Variants in EPB41L4A observed in about 807,000 individuals in gnomAD.
EPB41L4A encodes the protein band 4.1-like protein 4A.
In EPB41L4A, 100 loss-of-function variants were observed where a neutral mutation model predicts 108.6. That is an observed-to-expected ratio of 0.92 (90% CI 0.78 to 1.09). The LOEUF is 1.09. Ranked by LOEUF, EPB41L4A falls within the 50% of genes least tolerant of loss-of-function variation. EPB41L4A has a pLI of 0.00. For missense variants in EPB41L4A, 1,030 were observed against 842.7 expected (o/e 1.22, Z -2.75); for synonymous variants, 319 against 289.0 (o/e 1.10, Z -1.05).
At chr5:112,411,532 T>C (rs10068969) in intron 1 of EPB41L4A, among the ~76,000 whole-genome samples, 13,494 of 151,904 alleles carry the variant, frequency 0.089, 1,940 homozygotes, top group African/African-American at 0.3. Flanking sequence ...CCTTTTATCC[T>C]ATGTACCTAA....
At chr5:112,338,695 C>T (rs753791993) in intron 1 of EPB41L4A, among the ~76,000 whole-genome samples, 4 of 152,146 alleles carry the variant, frequency 2.6e-5, no homozygotes, top group Non-Finnish European at 5.9e-5. Context: ...TATTTGTTAA[C>T]GGCCTCCCTC....
At chr5:112,396,610 A>C (rs1189429860) in intron 1 of EPB41L4A, among the ~76,000 whole-genome samples, 3 of 152,184 alleles carry the variant, frequency 2.0e-5, no homozygotes, top group South Asian at 2.1e-4. Context: ...CAGTCCATTG[A>C]AGGGTCAAAT....
intron 17 of EPB41L4A, among the ~76,000 whole-genome samples, chr5:112,192,957 C>T (rs17134218): frequency 0.084 from 12,810 of 152,084 alleles, 1,572 homozygotes; most frequent in African/African-American, 0.27. Flanking sequence ...GTGTTGTTTG[C>T]GCAGAAATAC....
intron 17 of EPB41L4A, among the ~76,000 whole-genome samples, chr5:112,191,595 T>G (rs1426131410): frequency 6.6e-6 from 1 of 151,798 alleles, no homozygotes; most frequent in Non-Finnish European, 1.5e-5. Flanking sequence ...TATGCTCCAA[T>G]GGGTTGACTT....
At chr5:112,335,353 A>G (rs1171144447) in intron 1 of EPB41L4A, among the ~76,000 whole-genome samples, 1 of 152,092 alleles carries the variant, frequency 6.6e-6, no homozygotes, top group Non-Finnish European at 1.5e-5. Flanking sequence ...GATTTAACAG[A>G]AAAAAAGTGA....
intron 12 of EPB41L4A, chr5:112,210,194 G>A: frequency 2.7e-6 from 1 of 377,196 alleles, no homozygotes; most frequent in Non-Finnish European, 4.7e-6. Context: ...AATGTCCTGG[G>A]AGTCTAGGCT....
At chr5:112,319,783 C>A (rs1181951260) in intron 1 of EPB41L4A, among the ~76,000 whole-genome samples, 1 of 152,038 alleles carries the variant, frequency 6.6e-6, no homozygotes, top group African/African-American at 2.4e-5. Context: ...AAAGGACAAC[C>A]AACATTTGCC....
At chr5:112,214,629 G>A (rs1012907795) in intron 12 of EPB41L4A, among the ~76,000 whole-genome samples, 1 of 152,162 alleles carries the variant, frequency 6.6e-6, no homozygotes, top group African/African-American at 2.4e-5. Context: ...AGCCAGGTGT[G>A]GTGGTGGGCA....
intron 8 of EPB41L4A, 134 bp from the exon 9 acceptor site, chr5:112,259,426 C>T (rs1751340515): frequency 8.8e-6 from 6 of 685,642 alleles, no homozygotes; most frequent in East Asian, 2.6e-5. Flanking sequence ...GTACATACAG[C>T]GACAGAGAGA....
chr5:112,190,845 T>C (rs1015524534), intron 17 of EPB41L4A, among the ~76,000 whole-genome samples: 5 of 151,690 alleles, frequency 3.3e-5, no homozygotes, highest in Non-Finnish European at 5.9e-5. Flanking sequence ...TGTCATACCA[T>C]TGGCTCCTAG....
intron 2 of EPB41L4A, among the ~76,000 whole-genome samples, chr5:112,294,291 G>A (rs1251538381): frequency 2.0e-5 from 3 of 152,194 alleles, no homozygotes; most frequent in Non-Finnish European, 2.9e-5. Flanking sequence ...GGCGTGGGAA[G>A]GGGAGGTGTG....
chr5:112,396,464 C>T lies in EPB41L4A; in HGVS notation c.99+22477G>A, dbSNP rs566906902. ...TGCTGTATAACAAATTACCCCAAAA[C>T]GTAATGGTTTAAAACAACAAACATC... On this transcript the variant is annotated intron_variant, in intron 1 of 22. Transcript: ENST00000261486. 2.9e-4 allele frequency among the ~76,000 whole-genome samples: 44 copies of T among 152,312 alleles called. No individual in the cohort carries two copies. In the South Asian group the frequency reaches 7.3e-3, roughly 25 times the overall value.
chr5:112,241,956 T>TATACTATATAC (rs1561503243), intron 9 of EPB41L4A, among the ~76,000 whole-genome samples: 1 of 152,224 alleles, frequency 6.6e-6, no homozygotes, highest in Non-Finnish European at 1.5e-5. Flanking sequence ...TATACTATAA[T>TATACTATATAC]TTAAAAATAC....
chr5:112,304,439 C>G lies in EPB41L4A; in HGVS notation c.204+2947G>C, dbSNP rs142423721. 2.8e-3 allele frequency among the ~76,000 whole-genome samples: 426 copies of G among 152,288 alleles called. 2 individuals are homozygous for G. Among genetic ancestry groups the G allele is most frequent in the African/African-American group, 9.3e-3 (387 of 41,572 alleles). On this transcript the variant is annotated intron_variant, in intron 2 of 22. Transcript: ENST00000261486. ...CACACCAGTCTGGATCAAGAACGAA[C>G]CTGACTGGCACAAGCCAGAGTGGAA...
intron 2 of EPB41L4A, among the ~76,000 whole-genome samples, chr5:112,287,079 G>A (rs930806641): frequency 2.6e-5 from 4 of 152,136 alleles, no homozygotes; most frequent in African/African-American, 9.7e-5. Flanking sequence ...ACCAGGAAAG[G>A]CTGGACTGCT....
intron 1 of EPB41L4A, among the ~76,000 whole-genome samples, chr5:112,413,785 A>T (rs368738986): frequency 6.6e-6 from 1 of 152,190 alleles, no homozygotes; most frequent in African/African-American, 2.4e-5. Flanking sequence ...TCTCAAAACA[A>T]TCTGGAATAT....
At chr5:112,250,674 C>G (rs1222638178) in intron 9 of EPB41L4A, 2 of 152,088 alleles carry the variant, frequency 1.3e-5, no homozygotes, top group Non-Finnish European at 2.9e-5. Context: ...ACAAAATCAA[C>G]AAAACACACC....
Position 112,162,653 on chromosome 5 carries a change from G to A in EPB41L4A, c.*2337C>T, listed in dbSNP as rs1410672823. Reference sequence around the variant, plus strand: ...ATTCAAAAAATTTATTGAAAGCACTGTACTAGGAGCTGAGAACACGATGAT... The same window carrying A: ...ATTCAAAAAATTTATTGAAAGCACTATACTAGGAGCTGAGAACACGATGAT... On this transcript the variant is annotated 3_prime_UTR_variant, in exon 23 of 23. Coordinates refer to ENST00000261486, the MANE Select transcript of EPB41L4A (RefSeq NM_022140.5). The A allele has an allele frequency of 6.6e-6, 1 of 152,186 alleles. No individual in the cohort carries two copies. Among genetic ancestry groups the A allele is most frequent in the Non-Finnish European group, 1.5e-5 (1 of 68,040 alleles). 9.4% of individuals were successfully genotyped at this position (152,186 alleles called of 1,614,324 possible).
chr5:112,273,648 AG>A (rs1296868620), intron 4 of EPB41L4A, among the ~76,000 whole-genome samples: 1 of 152,212 alleles, frequency 6.6e-6, no homozygotes, highest in Non-Finnish European at 1.5e-5. Context: ...ACCTTGAAAC[AG>A]GTACATCTCC....
Sources: gnomAD v4.1 joint callset for allele counts (sites outside exome capture counted in the v4.1 genomes callset) on GRCh38, gnomAD v4.1.1 for gene constraint, MANE v1.5 for transcripts, NCBI Gene and HGNC (gene_info 2026-07-23, HGNC 2026-07-21) for gene names.